Variants in HMGN2 observed in about 807,000 individuals in gnomAD.
HMGN2 encodes the protein non-histone chromosomal protein HMG-17.
A neutral mutation model predicts 16.9 loss-of-function variants in HMGN2; 2 were observed. The ratio of observed to expected loss-of-function variants is 0.12; its 90% CI spans 0.05 to 0.37. The LOEUF is 0.37. HMGN2 is among the 10% of genes least tolerant of loss of function. The probability of loss-of-function intolerance (pLI) is 1.00; values close to 1 mark genes in which losing one functional copy is unlikely to be tolerated. For synonymous variants in HMGN2, 31 were observed against 34.9 expected (o/e 0.89, Z 0.39); for missense variants, 90 against 106.0 (o/e 0.85, Z 0.66).
At chr1:26,472,661 C>G (rs1287754710) in intron 1 of HMGN2, 34 bp downstream of exon 1, 16 of 1,512,210 alleles carry the variant, frequency 1.1e-5, no homozygotes, top group Non-Finnish European at 1.2e-5. Flanking sequence ...CGCCGGGCCA[C>G]CACTGCCGCC....
In HMGN2 at chr1:26,476,069, C is replaced by G. The variant is rs1250920044; in HGVS notation, c.*921C>G. 1 of 174,546 alleles carries G rather than the reference C, an allele frequency of 5.7e-6. No individual in the cohort carries two copies. The highest frequency in any genetic ancestry group is 2.4e-5 in the African/African-American group (1 of 41,714). 10.8% of individuals were successfully genotyped at this position (174,546 alleles called of 1,614,324 possible). A position where few individuals can be genotyped will look rare whatever the true frequency, so the allele number is the denominator to read the frequency against. ...TGCTTTGAGGTACTCCATGTACAGT[C>G]TAATGATGATCTTTCACTGATTTAT... On this transcript the variant is annotated 3_prime_UTR_variant, in exon 6 of 6. Transcript: ENST00000361427.
intron 1 of HMGN2, chr1:26,473,230 T>G: frequency 1.9e-6 from 1 of 524,764 alleles, no homozygotes; most frequent in Non-Finnish European, 3.4e-6. Flanking sequence ...CAGCTGTTGC[T>G]CCTGCCTGTC....
intron 1 of HMGN2, among the ~76,000 whole-genome samples, chr1:26,472,871 T>C (rs796074350): frequency 6.6e-6 from 1 of 151,390 alleles, no homozygotes; most frequent in African/African-American, 2.4e-5. Flanking sequence ...CGGCTGTTTA[T>C]CCCGCTCTCC....
In HMGN2 at chr1:26,475,123, C is replaced by G. The variant is rs370089193; in HGVS notation, c.248C>G (p.Ala83Gly). 1.9e-6 allele frequency: 3 copies of G among 1,610,882 alleles called. No homozygotes were observed. The highest frequency in any genetic ancestry group is 2.5e-6 in the Non-Finnish European group (3 of 1,177,378). ...TCTGTTTTCTTTTAGGCACAGAAAG[C>G]TGAAGGTGCTGGAGATGCCAAGTGA... ...GDAKTDQAQKAEGAGDAK is the reference protein window; with the variant it reads ...GDAKTDQAQKGEGAGDAK The change falls in exon 6 of 6, where the codon GCT becomes GGT. Residue 83 changes from alanine to glycine, a missense_variant. Ala to Gly is a moderately conservative substitution (Grantham distance 60). Coordinates refer to ENST00000361427, the MANE Select transcript of HMGN2 (RefSeq NM_005517.4).
At chr1:26,472,665 T>C (rs1557460311) in intron 1 of HMGN2, 38 bp downstream of exon 1, 1 of 1,506,754 alleles carries the variant, frequency 6.6e-7, no homozygotes, top group South Asian at 1.2e-5. Flanking sequence ...GGGCCACCAC[T>C]GCCGCCACCG....
In HMGN2 at chr1:26,473,256, C is replaced by T. The variant is rs553969397; in HGVS notation, c.16-227C>T. ...CCTGCCTGTCGCGGTGGTGCGGGCT[C>T]CGCTGCCCTCCCCGGCTGCGCTCCG... is the stretch of plus-strand genomic sequence containing the variant. On this transcript the variant is annotated intron_variant, in intron 1 of 5. Coordinates refer to ENST00000361427, the MANE Select transcript of HMGN2 (RefSeq NM_005517.4). The T allele has an allele frequency of 1.9e-4, 108 of 562,514 alleles. 3 individuals carry two copies. In the South Asian group the frequency reaches 2.3e-3, roughly 12 times the overall value. 34.8% of individuals were successfully genotyped at this position (562,514 alleles called of 1,614,324 possible).
Position 26,472,672 on chromosome 1 carries a change from ACCGCCGCCG to A in HMGN2, c.15+51_15+59del, listed in dbSNP as rs759000520. 6 of 1,474,494 alleles carry A rather than the reference ACCGCCGCCG, an allele frequency of 4.1e-6. No individual in the cohort carries two copies. The African/African-American group carries it at 4.9e-5, about 12-fold the overall frequency. The allele number at this position is 1,474,494 out of a possible 1,614,324, so 91.3% of individuals were successfully genotyped here. On this transcript the variant is annotated intron_variant, in intron 1 of 5. Transcript: ENST00000361427. ...CAGGCGCCGGGCCACCACTGCCGCC[ACCGCCGCCG>A]CCGCCTCCCTGGTGCAGGGAGCGAG...
At position 26,476,392 on chromosome 1, in the gene HMGN2, T is replaced by A. The variant is rs539175936; in HGVS notation, c.*1244T>A. 6.6e-6 allele frequency among the ~76,000 whole-genome samples: 1 copy of A among 152,228 alleles called. No homozygotes were observed. Among genetic ancestry groups the A allele is most frequent in the East Asian group, 1.9e-4 (1 of 5,204 alleles). ...TCATGTCAGAGAGTGTCTCTGTGAA[T>A]GTGTACACAGTTGTCCATTTGTAAG... On this transcript the variant is annotated 3_prime_UTR_variant, in exon 6 of 6. Coordinates refer to ENST00000361427, the MANE Select transcript of HMGN2 (RefSeq NM_005517.4).
At chr1:26,472,712 G>A in intron 1 of HMGN2, 85 bp downstream of exon 1, 2 of 1,280,720 alleles carry the variant, frequency 1.6e-6, no homozygotes, top group Non-Finnish European at 2.1e-6. Flanking sequence ...GCGAGAATCG[G>A]CGCCGAGCAG....
At chr1:26,473,102 G>C (rs2075585102) in intron 1 of HMGN2, 1 of 252,112 alleles carries the variant, frequency 4.0e-6, no homozygotes, top group African/African-American at 2.3e-5. Flanking sequence ...CACGAGACGC[G>C]CGCTGTCGCC....
Position 26,474,628 on chromosome 1 carries a change from G to A in HMGN2, c.198G>A (p.Gly66=). The A allele has an allele frequency of 6.3e-7, 1 of 1,589,546 alleles. No homozygotes were observed. The change falls in exon 5 of 6, where the codon GGG becomes GGA. Residue 66 remains glycine, a synonymous_variant. Coordinates refer to ENST00000361427, the MANE Select transcript of HMGN2 (RefSeq NM_005517.4). Reference sequence around the variant, plus strand: ...GAAAAGCTGATGCTGGCAAGGAGGGGAATAACCCTGCAGAAAATGGAGATG... The same window carrying A: ...GAAAAGCTGATGCTGGCAAGGAGGGAAATAACCCTGCAGAAAATGGAGATG... ...KKGKADAGKE[G]NNPAENGDAK...
chr1:26,472,554 C>T lies in HMGN2; in HGVS notation c.-59C>T, dbSNP rs1435655500. 7 of 1,533,586 alleles carry T rather than the reference C, an allele frequency of 4.6e-6. No homozygotes were observed. The highest frequency in any genetic ancestry group is 2.0e-5 in the Admixed American group (1 of 51,184). The allele number at this position is 1,533,586 out of a possible 1,614,324, so 95.0% of individuals were successfully genotyped here. On this transcript the variant is annotated 5_prime_UTR_variant, in exon 1 of 6. Coordinates refer to ENST00000361427, the MANE Select transcript of HMGN2 (RefSeq NM_005517.4). ...AACGACCCCCGGACCGACCAAAGCC[C>T]GCGCGCCGCTGCATCCCGCGTCCAG...
At position 26,472,516 on chromosome 1, in the gene HMGN2, AAG is replaced by A; in HGVS notation, c.-95_-94del. 7.1e-7 allele frequency: 1 copy of A among 1,409,584 alleles called. No individual in the cohort carries two copies. The highest frequency in any genetic ancestry group is 1.2e-5 in the South Asian group (1 of 81,490). 87.3% of individuals were successfully genotyped at this position (1,409,584 alleles called of 1,614,324 possible). ...AACCCCCCGGAGCCCGAGCAGTGTGAAGAAGAGGCGAGAACGACCCCCGGACC... is the reference window on the plus strand; with the variant it reads ...AACCCCCCGGAGCCCGAGCAGTGTGAAAGAGGCGAGAACGACCCCCGGACC... On this transcript the variant is annotated 5_prime_UTR_variant, in exon 1 of 6. Coordinates refer to ENST00000361427, the MANE Select transcript of HMGN2 (RefSeq NM_005517.4).
At chr1:26,474,330 A>T (rs2075594356) in intron 4 of HMGN2, among the ~76,000 whole-genome samples, 195 bp downstream of exon 4, 1 of 152,232 alleles carries the variant, frequency 6.6e-6, no homozygotes, top group South Asian at 2.1e-4. Context: ...ATCTGCATTT[A>T]AATATTAAAT....
intron 4 of HMGN2, 85 bp from the exon 5 acceptor site, chr1:26,474,487 A>T (rs944190488): frequency 3.8e-5 from 27 of 718,378 alleles, no homozygotes; most frequent in Non-Finnish European, 6.0e-5. Flanking sequence ...TTGAGTAAAC[A>T]ATCCTACCTT....
rs1400059395 is a variant in HMGN2, at chr1:26,474,065, T to C, written c.91-20T>C. ...CATTGTACTGATGTTCACTTTTTCCTCTCTTCCTGCCAAAAAAAGAAACCT... is the reference window on the plus strand; with the variant it reads ...CATTGTACTGATGTTCACTTTTTCCCCTCTTCCTGCCAAAAAAAGAAACCT... On this transcript the variant is annotated intron_variant, in intron 3 of 5. Transcript: ENST00000361427. 1 of 1,605,792 alleles carries C rather than the reference T, an allele frequency of 6.2e-7. No homozygotes were observed. The highest frequency in any genetic ancestry group is 8.5e-7 in the Non-Finnish European group (1 of 1,176,528).
At chr1:26,474,704 A>G (rs919897190) in intron 5 of HMGN2, 37 bp downstream of exon 5, 8 of 1,002,770 alleles carry the variant, frequency 8.0e-6, no homozygotes, top group Non-Finnish European at 3.2e-6. Context: ...AGATTTGTTC[A>G]TTCAGTTAGT....
Position 26,475,128 on chromosome 1 carries a change from G to A in HMGN2, c.253G>A (p.Gly85Ser), listed in dbSNP as rs774046777. The A allele has an allele frequency of 6.2e-7, 1 of 1,611,144 alleles. No individual in the cohort carries two copies. The change falls in exon 6 of 6, where the codon GGT (glycine) becomes AGT (serine). Residue 85 changes from glycine (G) to serine (S), a missense_variant. Gly to Ser is a moderately conservative substitution (Grantham distance 56). Coordinates refer to ENST00000361427, the MANE Select transcript of HMGN2 (RefSeq NM_005517.4). ...AKTDQAQKAE[G>S]AGDAK ...TTTCTTTTAGGCACAGAAAGCTGAA[G>A]GTGCTGGAGATGCCAAGTGAAGTGT...
intron 4 of HMGN2, 89 bp downstream of exon 4, chr1:26,474,224 A>ATGCT: frequency 1.1e-6 from 1 of 942,550 alleles, no homozygotes; most frequent in Non-Finnish European, 1.6e-6. Flanking sequence ...TGCCTCCATT[A>ATGCT]ATGGAGGTTA....
Sources: gnomAD v4.1 joint callset for allele counts (sites outside exome capture counted in the v4.1 genomes callset) on GRCh38, gnomAD v4.1.1 for gene constraint, MANE v1.5 for transcripts, NCBI Gene and HGNC (gene_info 2026-07-23, HGNC 2026-07-21) for gene names.